Variants in DSCAML1 observed in about 807,000 individuals in gnomAD.
DSCAML1 encodes the protein DS cell adhesion molecule like 1, also known as cell adhesion molecule DSCAML1.
A neutral mutation model predicts 200.5 loss-of-function variants in DSCAML1; 38 were observed. The ratio of observed to expected loss-of-function variants is 0.19; its 90% CI spans 0.15 to 0.25. DSCAML1 has a LOEUF of 0.25. Ranked by LOEUF, DSCAML1 falls within the 10% of genes least tolerant of loss-of-function variation. The probability of loss-of-function intolerance (pLI) is 1.00; values close to 1 mark genes in which losing one functional copy is unlikely to be tolerated. For synonymous variants in DSCAML1, 1,215 were observed against 1,165.0 expected, an observed-to-expected ratio of 1.04 and a Z score of -0.87; for missense variants, 2,223 against 2,858.8, an observed-to-expected ratio of 0.78 and a Z score of 5.07.
At chr11:117,558,566 C>T (rs1326541438) in intron 3 of DSCAML1, among the ~76,000 whole-genome samples, 1 of 152,166 alleles carries the variant, frequency 6.6e-6, no homozygotes, top group Non-Finnish European at 1.5e-5. Flanking sequence ...AGGAGCTCAA[C>T]ACCAGCCTGG....
chr11:117,517,480 T>C (rs2049795041), intron 7 of DSCAML1, among the ~76,000 whole-genome samples: 1 of 152,142 alleles, frequency 6.6e-6, no homozygotes, highest in African/African-American at 2.4e-5. Flanking sequence ...AACTGGGAAA[T>C]CTTCCAGGGC....
rs780112682 is a variant in DSCAML1 at position 117,435,761 on chromosome 11, C to T, written c.4759G>A (p.Asp1587Asn). 1.9e-5 allele frequency: 31 copies of T among 1,613,118 alleles called. No individual in the cohort carries two copies. The South Asian group carries it at 2.7e-4, about 14-fold the overall frequency. The change falls in exon 27 of 33, where the codon GAT (aspartate) becomes AAT (asparagine). Residue 1587 changes from aspartate (D) to asparagine (N), a missense_variant. Around this residue, in one of 7 missense-constraint regions of DSCAML1, gnomAD observed 614 missense variants for 739.1 expected, o/e 0.83. Coordinates refer to ENST00000651296, the MANE Select transcript of DSCAML1 (RefSeq NM_020693.4). ...PPIKSAQGEGDDVKKLFTIGC... is the reference protein window; with the variant it reads ...PPIKSAQGEGNDVKKLFTIGC... ...ATGGTGAACAGCTTCTTCACATCAT[C>T]CCCTTCACCTTGAGCAGACTTGATG...
chr11:117,574,680 TG>T (rs2137444470), intron 3 of DSCAML1, among the ~76,000 whole-genome samples: 1 of 152,310 alleles, frequency 6.6e-6, no homozygotes. Context: ...AGTGCAGGCC[TG>T]GACTCAATGA....
intron 3 of DSCAML1, among the ~76,000 whole-genome samples, chr11:117,569,171 A>G (rs1270240432): frequency 1.3e-5 from 2 of 152,234 alleles, no homozygotes; most frequent in Non-Finnish European, 2.9e-5. Context: ...AGCCATATGT[A>G]GAAAGCTGAA....
intron 3 of DSCAML1, among the ~76,000 whole-genome samples, chr11:117,599,233 G>A (rs935559359): frequency 1.3e-5 from 2 of 152,156 alleles, no homozygotes; most frequent in Non-Finnish European, 2.9e-5. Context: ...TTGCTACCAG[G>A]GGAATGTGCG....
intron 3 of DSCAML1, among the ~76,000 whole-genome samples, chr11:117,748,389 T>C (rs374248151): frequency 6.6e-6 from 1 of 152,186 alleles, no homozygotes; most frequent in African/African-American, 2.4e-5. Context: ...TGGAGTCTCA[T>C]ACAATAAGCC....
intron 3 of DSCAML1, among the ~76,000 whole-genome samples, chr11:117,615,370 G>A (rs1289768139): frequency 6.6e-6 from 1 of 152,196 alleles, no homozygotes; most frequent in African/African-American, 2.4e-5. Context: ...GCCTGCTAGA[G>A]GAAGTAGCTT....
At chr11:117,442,071 CGT>C (rs1169232612) in intron 21 of DSCAML1, among the ~76,000 whole-genome samples, 1 of 149,946 alleles carries the variant, frequency 6.7e-6, no homozygotes, top group Non-Finnish European at 1.5e-5. Flanking sequence ...TGCGCAGATG[CGT>C]GTTTGTGCAC....
chr11:117,772,713 G>A (rs1383612529), intron 3 of DSCAML1, among the ~76,000 whole-genome samples: 1 of 152,232 alleles, frequency 6.6e-6, no homozygotes, highest in Non-Finnish European at 1.5e-5. Context: ...TGGTGATCAT[G>A]CAGATGGGAA....
intron 3 of DSCAML1, among the ~76,000 whole-genome samples, chr11:117,626,807 G>A (rs2052056175): frequency 6.6e-6 from 1 of 152,170 alleles, no homozygotes; most frequent in Non-Finnish European, 1.5e-5. Flanking sequence ...TGACCACCTG[G>A]GACAAGACTC....
At chr11:117,515,096 A>AC (rs2049731324) in intron 8 of DSCAML1, among the ~76,000 whole-genome samples, 1 of 152,082 alleles carries the variant, frequency 6.6e-6, no homozygotes, top group Non-Finnish European at 1.5e-5. Flanking sequence ...GTGGCTGGAG[A>AC]CCCCCAGACC....
intron 8 of DSCAML1, among the ~76,000 whole-genome samples, chr11:117,512,663 C>CGT (rs2049653954): frequency 2.3e-5 from 3 of 131,428 alleles, no homozygotes; most frequent in Non-Finnish European, 5.0e-5. Context: ...CACACACACA[C>CGT]ACACACACAC....
Position 117,435,704 on chromosome 11 carries a change from C to T in DSCAML1, c.4816G>A (p.Val1606Met), listed in dbSNP as rs138082991. Reference sequence around the variant, plus strand: ...TTGCGTACGATGAAGAGCAGTGCCACCCCCAGTGTGGCCAGGATGACAGGG... The same window carrying T: ...TTGCGTACGATGAAGAGCAGTGCCATCCCCAGTGTGGCCAGGATGACAGGG... Reference protein sequence around the residue: ...GCPVILATLGVALLFIVRKKR... With the variant: ...GCPVILATLGMALLFIVRKKR... The change falls in exon 27 of 33, where the codon GTG (valine) becomes ATG (methionine). Residue 1606 changes from valine (V) to methionine (M), a missense_variant. Transcript: ENST00000651296. 2 of 1,612,932 alleles carry T rather than the reference C, an allele frequency of 1.2e-6. No individual in the cohort carries two copies. The highest frequency in any genetic ancestry group is 1.1e-5 in the South Asian group (1 of 90,940).
At chr11:117,428,933 C>T (rs2047726215) in intron 32 of DSCAML1, 130 bp from the exon 33 acceptor site, 2 of 778,340 alleles carry the variant, frequency 2.6e-6, no homozygotes, top group Non-Finnish European at 4.1e-6. Context: ...CACTGGGGGG[C>T]AATAAAGAGT....
intron 3 of DSCAML1, among the ~76,000 whole-genome samples, chr11:117,644,981 C>T (rs1488247991): frequency 6.6e-6 from 1 of 152,260 alleles, no homozygotes; most frequent in East Asian, 1.9e-4. Flanking sequence ...CTCAGAGTCA[C>T]AGACAGGGCC....
intron 19 of DSCAML1, among the ~76,000 whole-genome samples, chr11:117,454,871 G>A (rs1387259527): frequency 6.6e-6 from 1 of 152,160 alleles, no homozygotes; most frequent in Non-Finnish European, 1.5e-5. Flanking sequence ...TTTACCCTTA[G>A]AGTGCTGTCC....
intron 3 of DSCAML1, among the ~76,000 whole-genome samples, chr11:117,590,170 A>T (rs563460091): frequency 1.3e-3 from 197 of 152,160 alleles, no homozygotes; most frequent in Non-Finnish European, 2.2e-3. Context: ...CACTTTTTTT[A>T]AAAATGAAGA....
intron 3 of DSCAML1, among the ~76,000 whole-genome samples, chr11:117,553,937 A>G (rs1405945839): frequency 6.6e-6 from 1 of 152,258 alleles, no homozygotes; most frequent in Non-Finnish European, 1.5e-5. Context: ...TAAATAGAAC[A>G]TTGCATACAC....
intron 3 of DSCAML1, among the ~76,000 whole-genome samples, chr11:117,571,593 G>T (rs998903555): frequency 6.6e-6 from 1 of 152,188 alleles, no homozygotes; most frequent in African/African-American, 2.4e-5. Context: ...GCTGGGACCA[G>T]CTATTTGAGA....
Sources: allele counts gnomAD v4.1 joint callset (sites outside exome capture counted in the v4.1 genomes callset), GRCh38; gene constraint gnomAD v4.1.1; regional missense constraint gnomAD v4.1.1; transcripts MANE v1.5; gene names NCBI Gene and HGNC (gene_info 2026-07-23, HGNC 2026-07-21).